FAM13B: variants seen among roughly 807,000 people sequenced by gnomAD.
FAM13B encodes protein FAM13B.
Under a neutral mutation model 117.3 loss-of-function variants are expected in FAM13B, and 60 were observed. That is an observed-to-expected ratio of 0.51 (90% CI 0.42 to 0.63). FAM13B has a LOEUF of 0.63. FAM13B is among the 30% of genes least tolerant of loss of function. The pLI, the probability that FAM13B is intolerant of heterozygous loss-of-function variation, is 0.00. For missense variants in FAM13B, 972 were observed against 1,091.9 expected (o/e 0.89, Z 1.55); for synonymous variants, 332 against 356.1 (o/e 0.93, Z 0.76).
intron 5 of FAM13B, 48 bp downstream of exon 5, chr5:138,011,720 A>G: frequency 7.0e-7 from 1 of 1,429,350 alleles, no homozygotes; most frequent in South Asian, 1.2e-5. Flanking sequence ...GCCCGGCCTC[A>G]CATATCTAAT....
intron 1 of FAM13B, among the ~76,000 whole-genome samples, chr5:138,050,442 C>A (rs769911948): frequency 3.7e-4 from 4 of 10,720 alleles, no homozygotes; most frequent in Non-Finnish European, 8.8e-4. Flanking sequence ...CGTCTCAAAA[C>A]AAACAAACAA....
chr5:137,947,035 T>G (rs1763624052), intron 18 of FAM13B, among the ~76,000 whole-genome samples: 1 of 152,216 alleles, frequency 6.6e-6, no homozygotes, highest in Non-Finnish European at 1.5e-5. Flanking sequence ...CCCAAATTCA[T>G]TTGTCCACAA....
At chr5:138,006,025 T>A (rs533339418) in intron 7 of FAM13B, among the ~76,000 whole-genome samples, 151 of 151,854 alleles carry the variant, frequency 9.9e-4, no homozygotes, top group Non-Finnish European at 1.6e-3. Flanking sequence ...CAGCCTCCCG[T>A]GTAGCTGGGA....
intron 7 of FAM13B, 120 bp from the exon 8 acceptor site, chr5:137,988,435 T>C (rs1777784362): frequency 1.4e-6 from 1 of 699,106 alleles, no homozygotes; most frequent in Non-Finnish European, 2.4e-6. Context: ...TACTAAGTGT[T>C]GTATTCTTGT....
intron 10 of FAM13B, among the ~76,000 whole-genome samples, chr5:137,963,826 C>A: frequency 6.6e-6 from 1 of 152,256 alleles, no homozygotes; most frequent in Non-Finnish European, 1.5e-5. Flanking sequence ...AACAAGGGAT[C>A]TAGGTTGTGT....
chr5:138,004,017 C>T (rs1781914338), intron 7 of FAM13B, among the ~76,000 whole-genome samples: 1 of 152,110 alleles, frequency 6.6e-6, no homozygotes, highest in Admixed American at 6.5e-5. Flanking sequence ...ACCTGTAATC[C>T]CAGCACTTTG....
At chr5:138,048,598 G>A (rs114635238) in intron 1 of FAM13B, among the ~76,000 whole-genome samples, 1,628 of 152,188 alleles carry the variant, frequency 0.011, 28 homozygotes, top group African/African-American at 0.037. Flanking sequence ...TTTTTTAGGA[G>A]GCAAATCCCT....
chr5:138,011,750 A>AAT lies in FAM13B; in HGVS notation c.548+17_548+18insAT. 1 of 1,586,260 alleles carries AAT rather than the reference A, an allele frequency of 6.3e-7. No individual in the cohort carries two copies. Among genetic ancestry groups the AAT allele is most frequent in the Non-Finnish European group, 8.6e-7 (1 of 1,167,954 alleles). ...TCTAATTTTTAAAAATTAAACAAAA[A>AAT]TTTTTTAAACAACTTACTGGAAGAC... On this transcript the variant is annotated intron_variant, in intron 5 of 23. Transcript: ENST00000689681.
intron 10 of FAM13B, among the ~76,000 whole-genome samples, chr5:137,976,039 G>T (rs536748170): frequency 6.8e-5 from 10 of 147,438 alleles, no homozygotes; most frequent in African/African-American, 2.3e-4. Context: ...GCAGTGGCGC[G>T]ATCTCCGCCT....
At chr5:137,971,053 G>A (rs1252836308) in intron 10 of FAM13B, among the ~76,000 whole-genome samples, 22 of 151,862 alleles carry the variant, frequency 1.4e-4, no homozygotes, top group South Asian at 2.1e-4. Flanking sequence ...ACAGATCAAC[G>A]AGACAGAAAG....
intron 13 of FAM13B, among the ~76,000 whole-genome samples, chr5:137,957,282 C>A (rs1343527711): frequency 1.3e-5 from 2 of 152,064 alleles, no homozygotes; most frequent in Non-Finnish European, 2.9e-5. Flanking sequence ...TGGCTCACAC[C>A]TGTAATCTCA....
At chr5:138,013,448 C>A (rs562750693) in intron 4 of FAM13B, among the ~76,000 whole-genome samples, 2 of 151,294 alleles carry the variant, frequency 1.3e-5, no homozygotes, top group East Asian at 3.9e-4. Context: ...TTGCAGTGAG[C>A]CGAGATTGCA....
At chr5:137,981,233 T>C (rs973245154) in intron 10 of FAM13B, among the ~76,000 whole-genome samples, 1 of 151,776 alleles carries the variant, frequency 6.6e-6, no homozygotes, top group African/African-American at 2.4e-5. Context: ...CCACTGTGAG[T>C]AGCCCCATGA....
chr5:137,958,227 C>A (rs1374445423), intron 13 of FAM13B, among the ~76,000 whole-genome samples: 1 of 152,234 alleles, frequency 6.6e-6, no homozygotes, highest in Non-Finnish European at 1.5e-5. Flanking sequence ...TATCCCCCAA[C>A]ACTGGGAAGC....
chr5:138,024,290 G>A (rs977256047), intron 1 of FAM13B, among the ~76,000 whole-genome samples: 7 of 152,086 alleles, frequency 4.6e-5, no homozygotes, highest in Non-Finnish European at 7.4e-5. Flanking sequence ...CTTATAAGAA[G>A]AGGACAAGAT....
In FAM13B at chr5:138,011,942, T is replaced by G; in HGVS notation, c.374A>C (p.Tyr125Ser). 1 of 1,575,890 alleles carries G rather than the reference T, an allele frequency of 6.3e-7. No homozygotes were observed. ...HIHLMQLSQD[Y>S]NNEDEFGRKL... ...TCTTCCAAATTCATCTTCATTATTA[T>G]AATCTATAAAACAATAATAACAGGT... Residue 125 changes from tyrosine to serine, a missense_variant, in exon 5 of 24, where the codon TAT (tyrosine) becomes TCT (serine). Coordinates refer to ENST00000689681, the MANE Select transcript of FAM13B (RefSeq NM_001385994.1).
chr5:137,967,500 G>C (rs931018444), intron 10 of FAM13B, among the ~76,000 whole-genome samples: 2 of 151,730 alleles, frequency 1.3e-5, no homozygotes, highest in African/African-American at 4.8e-5. Flanking sequence ...TTCAACCTGG[G>C]AGACAAACCG....
intron 2 of FAM13B, 106 bp from the exon 3 acceptor site, chr5:138,019,252 T>C: frequency 2.1e-6 from 2 of 973,152 alleles, no homozygotes; most frequent in Non-Finnish European, 3.0e-6. Flanking sequence ...TTCTCATCTA[T>C]TTAAATGTTC....
intron 7 of FAM13B, among the ~76,000 whole-genome samples, chr5:138,001,147 T>C (rs1196685117): frequency 6.6e-6 from 1 of 152,188 alleles, no homozygotes; most frequent in Non-Finnish European, 1.5e-5. Flanking sequence ...CTAACTTAAA[T>C]CATCCCCCAA....
Sources: allele counts gnomAD v4.1 joint callset (sites outside exome capture counted in the v4.1 genomes callset), GRCh38; gene constraint gnomAD v4.1.1; transcripts MANE v1.5; gene names NCBI Gene and HGNC (gene_info 2026-07-23, HGNC 2026-07-21).